Variants in MYO9A observed in about 807,000 individuals in gnomAD.
MYO9A encodes the protein myosin IXA.
In MYO9A, 103 loss-of-function variants were observed where a neutral mutation model predicts 293.3. That is an observed-to-expected ratio of 0.35 (90% CI 0.30 to 0.41). The LOEUF is 0.41. Among genes scored for constraint, MYO9A ranks in the 10% least tolerant of loss-of-function variants. MYO9A has a pLI of 1.00. For synonymous variants in MYO9A, 1,001 were observed against 1,035.7 expected (o/e 0.97, Z 0.64); for missense variants, 2,685 against 3,033.0 (o/e 0.89, Z 2.69).
At chr15:72,070,521 A>C (rs986481655) in intron 1 of MYO9A, among the ~76,000 whole-genome samples, 1 of 152,080 alleles carries the variant, frequency 6.6e-6, no homozygotes, top group Non-Finnish European at 1.5e-5. Context: ...AGCTCTACAA[A>C]TATCTGCACA....
intron 39 of MYO9A, among the ~76,000 whole-genome samples, chr15:71,834,901 A>C (rs1203668204): frequency 1.3e-5 from 2 of 152,334 alleles, no homozygotes; most frequent in South Asian, 2.1e-4. Context: ...TAAAAATTTT[A>C]AATATATGAA....
intron 13 of MYO9A, among the ~76,000 whole-genome samples, chr15:71,960,619 A>G (rs1043145074): frequency 2.0e-5 from 3 of 152,234 alleles, no homozygotes; most frequent in Admixed American, 2.0e-4. Flanking sequence ...GAACAATGAG[A>G]TAGAAGAAAT....
At chr15:71,958,645 T>G (rs2059257318) in intron 14 of MYO9A, 1 of 152,210 alleles carries the variant, frequency 6.6e-6, no homozygotes, top group Admixed American at 6.5e-5. Context: ...TATACATTTT[T>G]GCTTTGTGTA....
chr15:72,016,329 G>C (rs928328677), intron 6 of MYO9A, among the ~76,000 whole-genome samples: 4 of 152,046 alleles, frequency 2.6e-5, no homozygotes, highest in Admixed American at 1.3e-4. Context: ...CAAAATCTAT[G>C]TAGTTCCAAA....
chr15:72,100,971 G>A (rs1236423812), intron 1 of MYO9A, among the ~76,000 whole-genome samples: 5 of 135,306 alleles, frequency 3.7e-5, no homozygotes, highest in African/African-American at 1.4e-4. Context: ...AGGGAGGTGG[G>A]GGGGTCAGCC....
chr15:72,010,719 A>C (rs1001468267), intron 6 of MYO9A, among the ~76,000 whole-genome samples: 4 of 152,200 alleles, frequency 2.6e-5, no homozygotes, highest in African/African-American at 7.2e-5. Flanking sequence ...ACTTAAGATA[A>C]AGAGTTAGCT....
intron 34 of MYO9A, 49 bp downstream of exon 34, chr15:71,859,686 A>G: frequency 2.0e-6 from 3 of 1,498,204 alleles, no homozygotes; most frequent in East Asian, 2.3e-5. Context: ...ATAAGGCACA[A>G]AAGACCAACA....
At chr15:72,041,142 G>A in intron 2 of MYO9A, 1 of 727,690 alleles carries the variant, frequency 1.4e-6, no homozygotes, top group East Asian at 3.4e-5. Flanking sequence ...CTATTTGGGA[G>A]GCTGAGGTGG....
chr15:72,051,490 G>A (rs967145005), intron 1 of MYO9A, among the ~76,000 whole-genome samples: 13 of 152,050 alleles, frequency 8.5e-5, no homozygotes, highest in African/African-American at 2.2e-4. Flanking sequence ...AGCTGCAGCC[G>A]CCCAAGCTGC....
chr15:72,005,415 G>C (rs2076987570), intron 8 of MYO9A, among the ~76,000 whole-genome samples: 1 of 152,014 alleles, frequency 6.6e-6, no homozygotes, highest in South Asian at 2.1e-4. Context: ...GGTTTCTGCT[G>C]AACTGCCTAG....
intron 1 of MYO9A, among the ~76,000 whole-genome samples, chr15:72,061,987 G>A (rs754314232): frequency 2.6e-5 from 4 of 152,172 alleles, no homozygotes; most frequent in Non-Finnish European, 5.9e-5. Flanking sequence ...AGGCAGCTCA[G>A]CAAGGAGATA....
intron 1 of MYO9A, among the ~76,000 whole-genome samples, chr15:72,052,915 C>T (rs796291647): frequency 2.1e-4 from 32 of 152,162 alleles, no homozygotes; most frequent in African/African-American, 7.7e-4. Flanking sequence ...CCCAGCAGGC[C>T]CAAGAAAAAC....
intron 2 of MYO9A, among the ~76,000 whole-genome samples, chr15:72,033,742 C>A (rs2077951194): frequency 6.6e-6 from 1 of 152,170 alleles, no homozygotes; most frequent in Non-Finnish European, 1.5e-5. Context: ...TATCAAAATT[C>A]ACTGAGCTGT....
chr15:72,103,605 C>A (rs941288282), intron 1 of MYO9A, among the ~76,000 whole-genome samples: 1 of 148,308 alleles, frequency 6.7e-6, no homozygotes, highest in Non-Finnish European at 1.5e-5. Context: ...GCAGTGGAAG[C>A]AGAAGAAGCA....
At chr15:72,003,236 T>C (rs1327525193) in intron 8 of MYO9A, among the ~76,000 whole-genome samples, 2 of 147,010 alleles carry the variant, frequency 1.4e-5, no homozygotes, top group South Asian at 2.1e-4. Context: ...ACCATTGCAC[T>C]GTAGCCTGGG....
At chr15:71,926,658 G>A (rs1188153692) in intron 18 of MYO9A, among the ~76,000 whole-genome samples, 5 of 152,200 alleles carry the variant, frequency 3.3e-5, no homozygotes, top group African/African-American at 1.2e-4. Flanking sequence ...AGTGAGCCAC[G>A]ATCGTACCAC....
chr15:71,904,286 G>C (rs1358378263), intron 20 of MYO9A, among the ~76,000 whole-genome samples: 1 of 152,162 alleles, frequency 6.6e-6, no homozygotes, highest in Non-Finnish European at 1.5e-5. Context: ...TGAAGAGAGA[G>C]GACCTTAAAG....
At chr15:72,103,139 T>G (rs1596582938) in intron 1 of MYO9A, among the ~76,000 whole-genome samples, 1 of 144,912 alleles carries the variant, frequency 6.9e-6, no homozygotes. Context: ...GAGGTTGCAG[T>G]GAGCCAAGAT....
At chr15:71,908,946 TC>T (rs959824047) in intron 19 of MYO9A, among the ~76,000 whole-genome samples, 11 of 152,190 alleles carry the variant, frequency 7.2e-5, no homozygotes, top group African/African-American at 2.7e-4. Context: ...CGACTACTGA[TC>T]TTTTTTACTG....
Sources: gnomAD v4.1 joint callset for allele counts (sites outside exome capture counted in the v4.1 genomes callset) on GRCh38, gnomAD v4.1.1 for gene constraint, MANE v1.5 for transcripts, NCBI Gene and HGNC (gene_info 2026-07-23, HGNC 2026-07-21) for gene names.